SLC16A10: variants seen among roughly 807,000 people sequenced by gnomAD.
SLC16A10 encodes the protein monocarboxylate transporter 10.
In SLC16A10, 27 loss-of-function variants were observed where a neutral mutation model predicts 40.0. The observed-to-expected ratio is 0.67, with a 90% CI of 0.50 to 0.93. The LOEUF is 0.93. Ranked by LOEUF, SLC16A10 falls within the 40% of genes least tolerant of loss-of-function variation. The pLI, the probability that SLC16A10 is intolerant of heterozygous loss-of-function variation, is 0.00. For synonymous variants in SLC16A10, 213 were observed against 249.8 expected, an observed-to-expected ratio of 0.85 and a Z score of 1.39; for missense variants, 529 against 658.2, an observed-to-expected ratio of 0.80 and a Z score of 2.15.
intron 1 of SLC16A10, among the ~76,000 whole-genome samples, chr6:111,091,790 G>A (rs1770979673): frequency 6.6e-6 from 1 of 152,210 alleles, no homozygotes. Flanking sequence ...ACACTAAGGT[G>A]TAAGTGAGTT....
chr6:111,210,448 A>G (rs976577988), intron 4 of SLC16A10, among the ~76,000 whole-genome samples: 1 of 152,204 alleles, frequency 6.6e-6, no homozygotes, highest in Non-Finnish European at 1.5e-5. Context: ...TTTGTTCTCT[A>G]GTGTCAAGGG....
intron 4 of SLC16A10, among the ~76,000 whole-genome samples, chr6:111,216,553 C>G (rs1027618185): frequency 6.7e-6 from 1 of 148,516 alleles, no homozygotes; most frequent in African/African-American, 2.5e-5. Flanking sequence ...CAGGCGCCCA[C>G]CACCACGCCC....
chr6:111,206,691 C>T lies in SLC16A10; in HGVS notation c.1042C>T (p.Arg348Trp), dbSNP rs200813678. Residue 348 changes from arginine (R) to tryptophan (W), a missense_variant, in exon 4 of 6, where the codon CGG becomes TGG. Physicochemically the swap from Arg to Trp is moderately radical, Grantham distance 101 (BLOSUM62 -3). Transcript: ENST00000368851. The stretch of plus-strand genomic sequence containing the variant: ...AGGAGTTGGACGACTGCTCTTTGGC[C>T]GGATTGCAGATTATGTGCCTGGTGT... ...TSGVGRLLFG[R>W]IADYVPGVKK... 20 of 1,614,042 alleles carry T rather than the reference C, an allele frequency of 1.2e-5. No homozygotes were observed. Among genetic ancestry groups the T allele is most frequent in the Admixed American group, 3.3e-5 (2 of 59,998 alleles).
At chr6:111,209,687 A>T (rs1040954979) in intron 4 of SLC16A10, among the ~76,000 whole-genome samples, 5 of 152,072 alleles carry the variant, frequency 3.3e-5, no homozygotes, top group Non-Finnish European at 7.4e-5. Context: ...AAGGAGATGG[A>T]AAGGGAGTGG....
intron 1 of SLC16A10, among the ~76,000 whole-genome samples, chr6:111,089,209 G>A (rs1770929796): frequency 6.6e-6 from 1 of 152,054 alleles, no homozygotes; most frequent in African/African-American, 2.4e-5. Context: ...CTGAGACAAA[G>A]GTAATGCTGG....
At position 111,088,011 on chromosome 6, in the gene SLC16A10, A is replaced by C; in HGVS notation, c.259A>C (p.Ile87Leu). 6.2e-7 allele frequency: 1 copy of C among 1,610,300 alleles called. No homozygotes were observed. Among genetic ancestry groups the C allele is most frequent in the Non-Finnish European group, 8.5e-7 (1 of 1,178,348 alleles). Residue 87 changes from isoleucine to leucine, a missense_variant, in exon 1 of 6, where the codon ATC (isoleucine) becomes CTC (leucine). Ile to Leu is a conservative substitution (Grantham distance 5). Coordinates refer to ENST00000368851, the MANE Select transcript of SLC16A10 (RefSeq NM_018593.5). ...AMWCNGSVFG[I>L]QNACGVLFVS... ...GTGGTGCAACGGGTCGGTGTTCGGC[A>C]TCCAGAACGCTTGCGGGGTGCTCTT...
chr6:111,144,337 G>A (rs559898564), intron 1 of SLC16A10, among the ~76,000 whole-genome samples: 3 of 152,202 alleles, frequency 2.0e-5, no homozygotes, highest in Admixed American at 6.5e-5. Context: ...CCTAGTAGCT[G>A]GGACTACAGG....
intron 1 of SLC16A10, among the ~76,000 whole-genome samples, chr6:111,094,420 G>A (rs994816244): frequency 1.4e-4 from 21 of 152,058 alleles, no homozygotes; most frequent in African/African-American, 4.8e-4. Context: ...CCCATTTGTC[G>A]GCATTCTTCT....
chr6:111,213,225 C>T (rs796997632), intron 4 of SLC16A10, among the ~76,000 whole-genome samples: 1 of 152,308 alleles, frequency 6.6e-6, no homozygotes, highest in East Asian at 1.9e-4. Flanking sequence ...ACAACACACA[C>T]ATGTGCACAG....
intron 3 of SLC16A10, among the ~76,000 whole-genome samples, chr6:111,196,018 A>T (rs556643134): frequency 1.3e-5 from 2 of 151,824 alleles, no homozygotes; most frequent in Non-Finnish European, 2.9e-5. Context: ...CAATAAAAAA[A>T]CACTGGCCTG....
At chr6:111,120,056 T>C (rs1333635557) in intron 1 of SLC16A10, among the ~76,000 whole-genome samples, 4 of 152,216 alleles carry the variant, frequency 2.6e-5, no homozygotes, top group Non-Finnish European at 5.9e-5. Context: ...TATAAAAAAG[T>C]GTGGTCATGA....
intron 3 of SLC16A10, among the ~76,000 whole-genome samples, chr6:111,185,077 G>A (rs967030210): frequency 4.6e-5 from 7 of 152,122 alleles, no homozygotes; most frequent in Non-Finnish European, 8.8e-5. Flanking sequence ...TGTAACATTT[G>A]CCAAGAATTG....
intron 1 of SLC16A10, among the ~76,000 whole-genome samples, chr6:111,143,878 C>A (rs917602630): frequency 6.6e-6 from 1 of 152,132 alleles, no homozygotes; most frequent in Non-Finnish European, 1.5e-5. Flanking sequence ...AATCCCAACA[C>A]TTTGGGAGGT....
chr6:111,167,798 A>C (rs934008417), intron 1 of SLC16A10, among the ~76,000 whole-genome samples: 1 of 151,890 alleles, frequency 6.6e-6, no homozygotes, highest in African/African-American at 2.4e-5. Flanking sequence ...CCTGCCAAGA[A>C]GCTGGGGGTA....
intron 4 of SLC16A10, among the ~76,000 whole-genome samples, chr6:111,217,801 G>A (rs1251620498): frequency 6.6e-6 from 1 of 152,020 alleles, no homozygotes; most frequent in Admixed American, 6.6e-5. Context: ...TTATTAAATT[G>A]ACTGTTTCCT....
intron 1 of SLC16A10, among the ~76,000 whole-genome samples, chr6:111,089,435 G>A (rs1431058029): frequency 6.6e-6 from 1 of 152,146 alleles, no homozygotes; most frequent in Non-Finnish European, 1.5e-5. Context: ...TGGGCATTTA[G>A]ATTGCTTCCA....
chr6:111,211,034 A>T (rs1371405894), intron 4 of SLC16A10, among the ~76,000 whole-genome samples: 1 of 151,954 alleles, frequency 6.6e-6, no homozygotes, highest in Non-Finnish European at 1.5e-5. Flanking sequence ...AAAAAAAAAA[A>T]AAAAAGTAGT....
intron 2 of SLC16A10, among the ~76,000 whole-genome samples, chr6:111,174,401 A>C (rs1422299190): frequency 6.6e-6 from 1 of 151,730 alleles, no homozygotes; most frequent in East Asian, 1.9e-4. Context: ...CTCAACTCTA[A>C]AGTGAGCCTC....
intron 4 of SLC16A10, among the ~76,000 whole-genome samples, chr6:111,213,498 C>T (rs1298374296): frequency 6.6e-6 from 1 of 152,204 alleles, no homozygotes; most frequent in Non-Finnish European, 1.5e-5. Flanking sequence ...GCTCCATTTT[C>T]CATTTTAGCA....
Sources: gnomAD v4.1 joint callset for allele counts (sites outside exome capture counted in the v4.1 genomes callset) on GRCh38, gnomAD v4.1.1 for gene constraint, MANE v1.5 for transcripts, NCBI Gene and HGNC (gene_info 2026-07-23, HGNC 2026-07-21) for gene names.